The following APOOL variants were observed in gnomAD, a reference collection of about 807,000 sequenced individuals.
APOOL encodes the protein apolipoprotein O like, also known as MICOS complex subunit MIC27.
Under a neutral mutation model 23.1 loss-of-function variants are expected in APOOL, and 12 were observed. The observed-to-expected ratio is 0.52, with a 90% CI of 0.33 to 0.84. The LOEUF is 0.84. APOOL is among the 40% of genes least tolerant of loss of function. The pLI, the probability that APOOL is intolerant of heterozygous loss-of-function variation, is 0.02. For missense variants in APOOL, 212 were observed against 199.6 expected (o/e 1.06, Z -0.37); for synonymous variants, 77 against 69.9 (o/e 1.10, Z -0.51).
chrX:85,073,740 A>C (rs1460536755), intron 6 of APOOL, among the ~76,000 whole-genome samples: 1 of 111,017 alleles, frequency 9.0e-6, no homozygotes, highest in East Asian at 2.8e-4. Context: ...AGCTGAAAAA[A>C]ATTAAAAAAA....
Position 85,046,704 on chromosome X carries a change from A to G in APOOL, c.120+154A>G, listed in dbSNP as rs1029698130. ...AGAGAAATAGTTATGAAGTATCTCA[A>G]AAGACAATATGTAACTCAAACATCT... On this transcript the variant is annotated intron_variant, in intron 2 of 8. Coordinates refer to ENST00000373173, the MANE Select transcript of APOOL (RefSeq NM_198450.6). Among the ~76,000 whole-genome samples the G allele has an allele frequency of 2.7e-5, 3 of 112,210 alleles. No homozygotes were observed. In the Admixed American group the frequency reaches 2.8e-4, roughly 11 times the overall value.
chrX:85,024,400 C>T (rs777268466), intron 1 of APOOL, among the ~76,000 whole-genome samples: 1 of 112,422 alleles, frequency 8.9e-6, no homozygotes, highest in African/African-American at 3.2e-5. Context: ...TCCCCAATAA[C>T]GGCTCTTGGC....
At chrX:85,019,619 G>T (rs1219713223) in intron 1 of APOOL, among the ~76,000 whole-genome samples, 1 of 112,175 alleles carries the variant, frequency 8.9e-6, no homozygotes, top group Non-Finnish European at 1.9e-5. Context: ...GTGGTTAGGT[G>T]TGCACGGAAC....
At chrX:85,007,105 G>A (rs923497800) in intron 1 of APOOL, among the ~76,000 whole-genome samples, 1 of 111,706 alleles carries the variant, frequency 9.0e-6, no homozygotes, top group African/African-American at 3.3e-5. Context: ...TCTGCTGAGA[G>A]GAAAATATGC....
At chrX:85,078,100 C>G (rs745382817) in intron 8 of APOOL, among the ~76,000 whole-genome samples, 1 of 111,693 alleles carries the variant, frequency 9.0e-6, no homozygotes, top group Non-Finnish European at 1.9e-5. Context: ...TTAATTAGAT[C>G]CCATTTGTCA....
intron 1 of APOOL, among the ~76,000 whole-genome samples, chrX:85,032,976 G>A (rs1026735794): frequency 1.8e-5 from 2 of 112,177 alleles, no homozygotes; most frequent in Admixed American, 1.9e-4. Flanking sequence ...AATATGTTGT[G>A]TTTGTTATCT....
Position 85,089,769 on chromosome X carries a change from C to T in APOOL, c.*2091C>T, listed in dbSNP as rs980476215. 6 of 110,634 alleles carry T rather than the reference C, an allele frequency of 5.4e-5. No individual in the cohort carries two copies. The highest frequency in any genetic ancestry group is 1.6e-4 in the African/African-American group (5 of 30,372). 9.1% of individuals were successfully genotyped at this position (110,634 alleles called of 1,213,427 possible). ...CTAAAACAAAATTGTCTCTACCTCCCGCTCCTTCAAATCTATTCTGTCTTC... is the reference window on the plus strand; with the variant it reads ...CTAAAACAAAATTGTCTCTACCTCCTGCTCCTTCAAATCTATTCTGTCTTC... On this transcript the variant is annotated 3_prime_UTR_variant, in exon 9 of 9. Transcript: ENST00000373173.
At chrX:85,071,327 G>T (rs1923657500) in intron 6 of APOOL, among the ~76,000 whole-genome samples, 1 of 110,066 alleles carries the variant, frequency 9.1e-6, no homozygotes, top group African/African-American at 3.3e-5. Flanking sequence ...AGATCAAGAG[G>T]ACAAAAGAGA....
chrX:85,060,709 T>C (rs765815612), intron 5 of APOOL, among the ~76,000 whole-genome samples: 98 of 111,637 alleles, frequency 8.8e-4, no homozygotes, highest in South Asian at 2.3e-3. Flanking sequence ...AGAATGCTTG[T>C]GATTTTTGTA....
intron 2 of APOOL, among the ~76,000 whole-genome samples, chrX:85,050,231 AC>A (rs2048119909): frequency 9.0e-6 from 1 of 111,170 alleles, no homozygotes; most frequent in Admixed American, 9.6e-5. Context: ...CCAAACTCAC[AC>A]TGTCTTATGT....
rs931176671 is a variant in APOOL at position 85,055,753 on chromosome X, T to G, written c.296-74T>G. ...ATTATCTTAGCAAATCTCTTTAACCTTCCTGCATTATAACTGTATAGAATA... is the reference window on the plus strand; with the variant it reads ...ATTATCTTAGCAAATCTCTTTAACCGTCCTGCATTATAACTGTATAGAATA... On this transcript the variant is annotated intron_variant, in intron 4 of 8. Coordinates refer to ENST00000373173, the MANE Select transcript of APOOL (RefSeq NM_198450.6). 7 of 725,631 alleles carry G rather than the reference T, an allele frequency of 9.6e-6. No homozygotes were observed. The African/African-American group carries it at 1.6e-4, about 16-fold the overall frequency. The allele number at this position is 725,631 out of a possible 1,213,427, so 59.8% of individuals were successfully genotyped here. A position where few individuals can be genotyped will look rare whatever the true frequency, so the allele number is the denominator to read the frequency against.
At chrX:85,004,153 G>A (rs1453520310) in intron 1 of APOOL, among the ~76,000 whole-genome samples, 2 of 111,676 alleles carry the variant, frequency 1.8e-5, no homozygotes, top group Non-Finnish European at 3.8e-5. Flanking sequence ...TGTGGTTGTC[G>A]ATTTACACAG....
intron 4 of APOOL, among the ~76,000 whole-genome samples, chrX:85,054,988 A>G (rs995426818): frequency 3.6e-5 from 4 of 111,872 alleles, no homozygotes; most frequent in Non-Finnish European, 5.7e-5. Flanking sequence ...TAGCTTGTTA[A>G]TGGTGTTTGG....
rs144697328 is a variant in APOOL at position 85,047,510 on chromosome X, C to A, written c.120+960C>A. On this transcript the variant is annotated intron_variant, in intron 2 of 8. Transcript: ENST00000373173. The stretch of plus-strand genomic sequence containing the variant: ...TCACATTAGTTTTTATATTTGAGTG[C>A]TCAAAATCAACCATGCTCATAAGCA... Among the ~76,000 whole-genome samples, 660 of 111,221 alleles carry A rather than the reference C, an allele frequency of 5.9e-3. 4 individuals carry two copies. Among genetic ancestry groups the A allele is most frequent in the African/African-American group, 0.02 (624 of 30,711 alleles).
At chrX:85,067,653 C>CACACACAG (rs1923509986) in intron 6 of APOOL, among the ~76,000 whole-genome samples, 1 of 109,718 alleles carries the variant, frequency 9.1e-6, no homozygotes, top group East Asian at 2.8e-4. Context: ...CACACACACA[C>CACACACAG]ACACACACAC....
At position 85,089,445 on chromosome X, in the gene APOOL, C is replaced by G. The variant is rs752855403; in HGVS notation, c.*1767C>G. 5 of 111,694 alleles carry G rather than the reference C, an allele frequency of 4.5e-5. No homozygotes were observed. The East Asian group carries it at 1.1e-3, about 25-fold the overall frequency. The allele number at this position is 111,694 out of a possible 1,213,427, so 9.2% of individuals were successfully genotyped here. ...GTCATTATTGACTCTTCACCACTCT[C>G]TCCTTGAGACTCACTTATCCCTTTG... On this transcript the variant is annotated 3_prime_UTR_variant, in exon 9 of 9. Transcript: ENST00000373173.
chrX:85,018,509 T>C (rs146253732), intron 1 of APOOL, among the ~76,000 whole-genome samples: 1 of 111,610 alleles, frequency 9.0e-6, no homozygotes, highest in East Asian at 2.8e-4. Flanking sequence ...CAACATGAGA[T>C]TTGGAGGGGA....
intron 1 of APOOL, among the ~76,000 whole-genome samples, chrX:85,034,037 A>C (rs1223611809): frequency 9.0e-6 from 1 of 111,343 alleles, no homozygotes; most frequent in Non-Finnish European, 1.9e-5. Flanking sequence ...TGTGTTGGTC[A>C]CTGGATGTTC....
rs57159309 is a variant in APOOL at position 85,089,966 on chromosome X, C to CAAAA, written c.*2300_*2303dup. On this transcript the variant is annotated 3_prime_UTR_variant, in exon 9 of 9. Coordinates refer to ENST00000373173, the MANE Select transcript of APOOL (RefSeq NM_198450.6). ...AACAAATATTTAATATTAGCTTAAG[C>CAAAA]AAAAAAAAAAAAAAAGGCCTATCCT... is the stretch of plus-strand genomic sequence containing the variant. 1.2e-5 allele frequency: 1 copy of CAAAA among 81,551 alleles called. No homozygotes were observed. The allele number at this position is 81,551 out of a possible 1,213,427, so 6.7% of individuals were successfully genotyped here.
Sources: allele counts gnomAD v4.1 joint callset (sites outside exome capture counted in the v4.1 genomes callset), GRCh38; gene constraint gnomAD v4.1.1; transcripts MANE v1.5; gene names NCBI Gene and HGNC (gene_info 2026-07-23, HGNC 2026-07-21).